Variants in VXN observed in about 807,000 individuals in gnomAD.
VXN encodes the protein uncharacterized protein C8orf46.
VXN carries 7 observed loss-of-function variants against 23.1 expected under a neutral mutation model. That is an observed-to-expected ratio of 0.30 (90% confidence interval 0.17 to 0.57). The LOEUF (loss-of-function observed/expected upper bound fraction) is 0.57. Ranked by LOEUF, VXN falls within the 20% of genes least tolerant of loss-of-function variation. The pLI, the probability that VXN is intolerant of heterozygous loss-of-function variation, is 0.91. For synonymous variants in VXN, 120 were observed against 105.8 expected, an observed-to-expected ratio of 1.13 and a Z score of -0.83; for missense variants, 238 against 272.6, an observed-to-expected ratio of 0.87 and a Z score of 0.89.
At chr8:66,496,356 A>G (rs74412410) in intron 1 of VXN, 81 bp from the exon 2 acceptor site, 110,312 of 1,357,090 alleles carry the variant, frequency 0.081, 4,905 homozygotes, top group African/African-American at 0.12. Flanking sequence ...CACAGATTCA[A>G]ACCTTCTCAG....
chr8:66,515,965 G>A lies in VXN; in HGVS notation c.513G>A (p.Leu171=), dbSNP rs753006022. The change falls in exon 6 of 6, where the codon CTG becomes CTA. Residue 171 remains leucine (L), a synonymous_variant. Transcript: ENST00000305454. ...LPQGAEASLP[L]TGSASCGVPG... The stretch of plus-strand genomic sequence containing the variant: ...AAGGAGCAGAAGCCTCTCTACCACT[G>A]ACAGGCAGTGCTTCCTGCGGCGTCC... 1 of 1,613,970 alleles carries A rather than the reference G, an allele frequency of 6.2e-7. No homozygotes were observed.
rs1363685318 is a variant in VXN at position 66,516,018 on chromosome 8, G to A, written c.566G>A (p.Arg189Lys). 1.2e-6 allele frequency: 2 copies of A among 1,613,772 alleles called. No individual in the cohort carries two copies. Among genetic ancestry groups the A allele is most frequent in the East Asian group, 2.2e-5 (1 of 44,844 alleles). The change falls in exon 6 of 6, where the codon AGG becomes AAG. Residue 189 changes from arginine (R) to lysine (K), a missense_variant. Arg to Lys is a conservative substitution (Grantham distance 26). Coordinates refer to ENST00000305454, the MANE Select transcript of VXN (RefSeq NM_152765.4). Reference sequence around the variant, plus strand: ...GGCATCCTCCGGAAAATGTGGACAAGGCACAAGAAGAAGTCTGAATATGTG... The same window carrying A: ...GGCATCCTCCGGAAAATGTGGACAAAGCACAAGAAGAAGTCTGAATATGTG... ...VPGILRKMWTRHKKKSEYVGA... is the reference protein window; with the variant it reads ...VPGILRKMWTKHKKKSEYVGA...
Position 66,505,439 on chromosome 8 carries a change from G to T in VXN, c.191G>T (p.Arg64Leu). 3 of 1,576,526 alleles carry T rather than the reference G, an allele frequency of 1.9e-6. No homozygotes were observed. The highest frequency in any genetic ancestry group is 2.6e-6 in the Non-Finnish European group (3 of 1,161,690). The change falls in exon 3 of 6, where the codon CGC (arginine) becomes CTC (leucine). Residue 64 changes from arginine (R) to leucine (L), a missense_variant. Physicochemically the swap from Arg to Leu is moderately radical, Grantham distance 102 (BLOSUM62 -2). Coordinates refer to ENST00000305454, the MANE Select transcript of VXN (RefSeq NM_152765.4). ...GAGCTGCTGCCCCACCGCGGAGACCGCAGGGACCCTGGCGACCGCCGCAGG... is the reference window on the plus strand; with the variant it reads ...GAGCTGCTGCCCCACCGCGGAGACCTCAGGGACCCTGGCGACCGCCGCAGG... The part of the protein sequence containing the change: ...PLELLPHRGD[R>L]RDPGDRRRFG...
intron 4 of VXN, among the ~76,000 whole-genome samples, chr8:66,511,292 T>A (rs963306237): frequency 2.0e-5 from 3 of 152,212 alleles, no homozygotes; most frequent in Non-Finnish European, 2.9e-5. Flanking sequence ...TCTTTGAGTA[T>A]CCGCTGTCAA....
chr8:66,499,021 C>G (rs1193684597), intron 2 of VXN: 2 of 185,630 alleles, frequency 1.1e-5, no homozygotes, highest in African/African-American at 4.6e-5. Flanking sequence ...TGGAATTCAA[C>G]TTCCTTAGCA....
rs1807628242 is a variant in VXN at position 66,496,526 on chromosome 8, G to C, written c.126+34G>C. The C allele has an allele frequency of 1.9e-6, 3 of 1,600,372 alleles. No homozygotes were observed. In the East Asian group the frequency reaches 6.7e-5, roughly 36 times the overall value. The stretch of plus-strand genomic sequence containing the variant: ...ACTTTAGTTTTGATGTTCTTTGGTT[G>C]ACTTTCATTTAAAAAGCAATGCCAG... On this transcript the variant is annotated intron_variant, in intron 2 of 5. Transcript: ENST00000305454.
chr8:66,510,060 A>T, intron 3 of VXN, 36 bp from the exon 4 acceptor site: 1 of 1,573,428 alleles, frequency 6.4e-7, no homozygotes. Context: ...AACACAGAGT[A>T]CCACTGAGTA....
chr8:66,496,097 T>A (rs536913077), intron 1 of VXN, among the ~76,000 whole-genome samples: 2 of 152,366 alleles, frequency 1.3e-5, no homozygotes, highest in South Asian at 4.1e-4. Flanking sequence ...TAGTACCATG[T>A]TTTCAAGGTT....
At chr8:66,510,818 CT>C (rs1563508893) in intron 4 of VXN, among the ~76,000 whole-genome samples, 2 of 152,146 alleles carry the variant, frequency 1.3e-5, no homozygotes, top group East Asian at 3.9e-4. Flanking sequence ...GGGCACTGAT[CT>C]TATCATAGAG....
chr8:66,496,963 C>A (rs915758866), intron 2 of VXN, among the ~76,000 whole-genome samples: 7 of 152,262 alleles, frequency 4.6e-5, no homozygotes, highest in African/African-American at 1.7e-4. Context: ...CTGCTCACTG[C>A]AACCTCCGCC....
At chr8:66,512,229 A>G (rs16932940) in intron 4 of VXN, among the ~76,000 whole-genome samples, 7,742 of 152,264 alleles carry the variant, frequency 0.051, 396 homozygotes, top group East Asian at 0.16. Flanking sequence ...AAGTCCGTGC[A>G]AAGTGTGCTG....
chr8:66,512,204 C>T lies in VXN; in HGVS notation c.343-1336C>T, dbSNP rs139443714. Among the ~76,000 whole-genome samples, 409 of 152,252 alleles carry T rather than the reference C, an allele frequency of 2.7e-3. 2 individuals are homozygous for T. The highest frequency in any genetic ancestry group is 8.5e-3 in the African/African-American group (353 of 41,550). The stretch of plus-strand genomic sequence containing the variant: ...CAGCATGGGAGAGCAATCCAGGGCC[C>T]ACACAGCTAAATCCAAGTCCGTGCA... On this transcript the variant is annotated intron_variant, in intron 4 of 5. Coordinates refer to ENST00000305454, the MANE Select transcript of VXN (RefSeq NM_152765.4).
chr8:66,496,698 C>T (rs1376818443), intron 2 of VXN, among the ~76,000 whole-genome samples: 3 of 152,176 alleles, frequency 2.0e-5, no homozygotes, highest in Admixed American at 1.3e-4. Context: ...AACTGGACCA[C>T]TTATTCTGCC....
At chr8:66,495,369 G>C (rs537480133) in intron 1 of VXN, among the ~76,000 whole-genome samples, 1 of 152,262 alleles carries the variant, frequency 6.6e-6, no homozygotes, top group Non-Finnish European at 1.5e-5. Context: ...CTTCTGCACT[G>C]TGTGACCTTG....
intron 2 of VXN, among the ~76,000 whole-genome samples, chr8:66,499,972 C>T (rs1253750959): frequency 6.6e-6 from 1 of 152,108 alleles, no homozygotes; most frequent in East Asian, 1.9e-4. Context: ...AGCAAACCTA[C>T]TGTCTCAGCC....
intron 3 of VXN, among the ~76,000 whole-genome samples, chr8:66,508,048 G>A (rs1183261318): frequency 1.3e-5 from 2 of 152,120 alleles, no homozygotes; most frequent in Non-Finnish European, 2.9e-5. Flanking sequence ...GGGCCTGGGA[G>A]AATTGGCTGC....
At chr8:66,493,913 A>C (rs1380795413) in intron 1 of VXN, among the ~76,000 whole-genome samples, 195 bp downstream of exon 1, 1 of 152,174 alleles carries the variant, frequency 6.6e-6, no homozygotes, top group Non-Finnish European at 1.5e-5. Context: ...GAAACAATCC[A>C]TCAAGGGGAA....
chr8:66,512,959 T>G (rs1246554335), intron 4 of VXN, among the ~76,000 whole-genome samples: 1 of 151,936 alleles, frequency 6.6e-6, no homozygotes, highest in Non-Finnish European at 1.5e-5. Flanking sequence ...GCAAGGTGGG[T>G]GGGCGGGGTT....
At chr8:66,495,768 A>C (rs943536552) in intron 1 of VXN, among the ~76,000 whole-genome samples, 1 of 152,184 alleles carries the variant, frequency 6.6e-6, no homozygotes, top group African/African-American at 2.4e-5. Context: ...GCATAACAAA[A>C]TGTACCATTT....
Sources: allele counts gnomAD v4.1 joint callset (sites outside exome capture counted in the v4.1 genomes callset), GRCh38; gene constraint gnomAD v4.1.1; transcripts MANE v1.5; gene names NCBI Gene and HGNC (gene_info 2026-07-23, HGNC 2026-07-21).